Variants in RPS6KC1 observed in about 807,000 individuals in gnomAD.
RPS6KC1 encodes ribosomal protein S6 kinase C1.
RPS6KC1 carries 54 observed loss-of-function variants against 103.8 expected under a neutral mutation model. The observed-to-expected ratio is 0.52, with a 90% CI of 0.42 to 0.65. The LOEUF (loss-of-function observed/expected upper bound fraction) is 0.65, where lower values mean the gene tolerates loss of function less well. Ranked by LOEUF, RPS6KC1 falls within the 30% of genes least tolerant of loss-of-function variation. RPS6KC1 has a pLI of 0.00. For synonymous variants in RPS6KC1, 439 were observed against 438.7 expected (o/e 1.00, Z -0.01); for missense variants, 1,151 against 1,253.8 (o/e 0.92, Z 1.24).
chr1:213,304,635 TG>T, the RPS6KC1 span, among the ~76,000 whole-genome samples: 1 of 151,896 alleles, frequency 6.6e-6, no homozygotes, highest in East Asian at 2.0e-4. Flanking sequence ...CTCTGGATCC[TG>T]GGTTCAAGCG....
At chr1:213,352,022 C>A in the RPS6KC1 span, among the ~76,000 whole-genome samples, 3 of 151,106 alleles carry the variant, frequency 2.0e-5, no homozygotes, top group African/African-American at 7.3e-5. Flanking sequence ...CTTTCCCTTA[C>A]GAGCTGGGAG....
chr1:213,764,543 C>G, the RPS6KC1 span, among the ~76,000 whole-genome samples: 2 of 152,178 alleles, frequency 1.3e-5, no homozygotes, highest in African/African-American at 2.4e-5. Context: ...CTTCCCAATG[C>G]CTCATGAATC....
At chr1:213,137,791 A>T (rs1281491349) in intron 6 of RPS6KC1, among the ~76,000 whole-genome samples, 7 of 39,822 alleles carry the variant, frequency 1.8e-4, no homozygotes, top group Non-Finnish European at 3.9e-4. Context: ...ATATATATAT[A>T]TATATATATT....
At chr1:213,214,255 A>C (rs994891137) in intron 8 of RPS6KC1, among the ~76,000 whole-genome samples, 1 of 152,250 alleles carries the variant, frequency 6.6e-6, no homozygotes, top group Admixed American at 6.5e-5. Flanking sequence ...GAAGGGTCCT[A>C]CGTACACGGA....
At chr1:213,079,657 A>G (rs1305713185) in intron 3 of RPS6KC1, among the ~76,000 whole-genome samples, 1 of 152,036 alleles carries the variant, frequency 6.6e-6, no homozygotes, top group African/African-American at 2.4e-5. Flanking sequence ...GGCTTAAGTG[A>G]TCTGCCTACC....
chr1:213,593,113 C>T, the RPS6KC1 span, among the ~76,000 whole-genome samples: 3 of 151,902 alleles, frequency 2.0e-5, no homozygotes, highest in African/African-American at 7.3e-5. Context: ...ACTCGAGATG[C>T]TCAAACAGCA....
chr1:213,181,683 C>T (rs2092277845), intron 8 of RPS6KC1, among the ~76,000 whole-genome samples: 1 of 152,176 alleles, frequency 6.6e-6, no homozygotes, highest in East Asian at 1.9e-4. Flanking sequence ...CATAGCACAA[C>T]ATTTTTTAAG....
At chr1:213,363,691 T>TC in the RPS6KC1 span, among the ~76,000 whole-genome samples, 1 of 72,694 alleles carries the variant, frequency 1.4e-5, no homozygotes, top group South Asian at 3.6e-4. Flanking sequence ...TCTTTCTTTC[T>TC]TTCTTTCTTT....
chr1:213,199,829 C>G (rs1228036229), intron 8 of RPS6KC1, among the ~76,000 whole-genome samples: 1 of 152,102 alleles, frequency 6.6e-6, no homozygotes, highest in East Asian at 1.9e-4. Flanking sequence ...ACTAGCATTC[C>G]TATACACCAA....
chr1:213,300,351 G>A, the RPS6KC1 span, among the ~76,000 whole-genome samples: 4 of 152,190 alleles, frequency 2.6e-5, no homozygotes, highest in South Asian at 2.1e-4. Context: ...GTTGGTTGAA[G>A]TCCCACCTAG....
chr1:213,322,485 C>T, the RPS6KC1 span, among the ~76,000 whole-genome samples: 4 of 152,202 alleles, frequency 2.6e-5, no homozygotes, highest in South Asian at 2.1e-4. Flanking sequence ...AGGGCAGAGC[C>T]GGTAGACCAG....
At chr1:213,359,672 CA>C in the RPS6KC1 span, among the ~76,000 whole-genome samples, 82,100 of 119,408 alleles carry the variant, frequency 0.69, 24,407 homozygotes, top group East Asian at 0.91. Flanking sequence ...TACAATTTGG[CA>C]GTGTTTTTGC....
the RPS6KC1 span, among the ~76,000 whole-genome samples, chr1:213,486,416 A>AT: frequency 2.0e-5 from 3 of 151,690 alleles, no homozygotes; most frequent in Admixed American, 6.6e-5. Flanking sequence ...TTATTTTTTT[A>AT]TTTTTTTTAT....
the RPS6KC1 span, among the ~76,000 whole-genome samples, chr1:213,792,642 G>A: frequency 3.9e-5 from 6 of 152,172 alleles, no homozygotes; most frequent in African/African-American, 1.4e-4. Flanking sequence ...TTACATGGGC[G>A]AGTGGCATAA....
At chr1:213,376,084 CTGTGTGTGTGTGTGTGTGTGTGTG>C in the RPS6KC1 span, among the ~76,000 whole-genome samples, 1,266 of 140,336 alleles carry the variant, frequency 9.0e-3, 6 homozygotes, top group South Asian at 0.032. Context: ...CTCGTGACAA[CTGTGTGTGTGTGTGTGTGTGTGTG>C]TGTGTGTGTG....
chr1:213,079,346 T>C (rs1201206937), intron 3 of RPS6KC1, among the ~76,000 whole-genome samples: 1 of 152,196 alleles, frequency 6.6e-6, no homozygotes, highest in Non-Finnish European at 1.5e-5. Context: ...TTTGAGACTT[T>C]TGATGCATAT....
the RPS6KC1 span, among the ~76,000 whole-genome samples, chr1:213,336,752 G>A: frequency 1.1e-3 from 163 of 152,320 alleles, no homozygotes; most frequent in African/African-American, 3.8e-3. Flanking sequence ...GAGTGGCAGA[G>A]CCCGAAGCTA....
At chr1:213,704,269 C>CAGCCTGTAG in the RPS6KC1 span, among the ~76,000 whole-genome samples, 7 of 151,008 alleles carry the variant, frequency 4.6e-5, no homozygotes, top group Admixed American at 4.6e-4. Flanking sequence ...CGCCTGTAGT[C>CAGCCTGTAG]CCAGCTACTC....
At chr1:213,678,026 T>G in the RPS6KC1 span, among the ~76,000 whole-genome samples, 1 of 152,022 alleles carries the variant, frequency 6.6e-6, no homozygotes, top group Non-Finnish European at 1.5e-5. Context: ...AAAAGATATT[T>G]TGGCCAGACC....
Sources: allele counts gnomAD v4.1 joint callset (sites outside exome capture counted in the v4.1 genomes callset), GRCh38; gene constraint gnomAD v4.1.1; transcripts MANE v1.5; gene names NCBI Gene and HGNC (gene_info 2026-07-23, HGNC 2026-07-21).